CYP4F22: variants seen among roughly 807,000 people sequenced by gnomAD.
CYP4F22 encodes the protein ultra-long-chain fatty acid omega-hydroxylase.
CYP4F22 carries 37 observed loss-of-function variants against 60.4 expected under a neutral mutation model. The observed-to-expected ratio is 0.61, with a 90% confidence interval of 0.47 to 0.81. CYP4F22 has a LOEUF of 0.81. CYP4F22 is among the 30% of genes least tolerant of loss of function. The probability of loss-of-function intolerance (pLI) is 0.00; values close to 1 mark genes in which losing one functional copy is unlikely to be tolerated. For synonymous variants in CYP4F22, 258 were observed against 280.5 expected (o/e 0.92, Z 0.80); for missense variants, 655 against 715.0 (o/e 0.92, Z 0.96).
At chr19:15,508,902 G>T (rs1343411641) in intron 1 of CYP4F22, among the ~76,000 whole-genome samples, 1 of 151,998 alleles carries the variant, frequency 6.6e-6, no homozygotes, top group Admixed American at 6.6e-5. Context: ...TGGGCAGGGG[G>T]CCTCCAAAAG....
At position 15,525,606 on chromosome 19, in the gene CYP4F22, A is replaced by G. The variant is rs1383203961; in HGVS notation, c.222+48A>G. ...GGGCTGGGCTGGGCTGGGCATGTGC[A>G]GGGTAATAGGTAGGGATGGTGGGCC... is the stretch of plus-strand genomic sequence containing the variant. On this transcript the variant is annotated intron_variant, in intron 3 of 13. Coordinates refer to ENST00000269703, the MANE Select transcript of CYP4F22 (RefSeq NM_173483.4). 2.6e-6 allele frequency: 4 copies of G among 1,566,576 alleles called. No individual in the cohort carries two copies. In the African/African-American group the frequency reaches 5.4e-5, roughly 21 times the overall value.
intron 4 of CYP4F22, among the ~76,000 whole-genome samples, chr19:15,533,043 G>A (rs78347346): frequency 0.046 from 6,987 of 152,266 alleles, 395 homozygotes; most frequent in African/African-American, 0.13. Context: ...ACCTGGGAGT[G>A]GCTTGCTGTT....
At chr19:15,530,076 C>T (rs908565454) in intron 4 of CYP4F22, among the ~76,000 whole-genome samples, 9 of 152,234 alleles carry the variant, frequency 5.9e-5, no homozygotes, top group Non-Finnish European at 1.0e-4. Context: ...GAATGTCCAT[C>T]CATCTGGCAG....
intron 1 of CYP4F22, chr19:15,516,624 T>C: frequency 3.0e-6 from 1 of 332,108 alleles, no homozygotes; most frequent in African/African-American, 2.2e-5. Flanking sequence ...GAACAAGCAT[T>C]CTATTTCTGA....
chr19:15,537,324 C>G (rs1402959672), intron 4 of CYP4F22, 37 bp from the exon 5 acceptor site: 1 of 1,613,236 alleles, frequency 6.2e-7, no homozygotes, highest in Non-Finnish European at 8.5e-7. Context: ...CCAAAAAACT[C>G]TGTTTTGAGT....
chr19:15,522,797 G>A (rs902451792), intron 1 of CYP4F22, among the ~76,000 whole-genome samples: 2 of 152,010 alleles, frequency 1.3e-5, no homozygotes, highest in East Asian at 1.9e-4. Context: ...TTCAACCTCC[G>A]CCTCCCAGGT....
chr19:15,540,305 A>G, intron 7 of CYP4F22, 145 bp from the exon 8 acceptor site: 1 of 1,002,406 alleles, frequency 1.0e-6, no homozygotes, highest in Non-Finnish European at 1.5e-6. Flanking sequence ...CTAAAAAAAT[A>G]AATAAATGAA....
chr19:15,518,749 TG>T (rs1971186731), intron 1 of CYP4F22, among the ~76,000 whole-genome samples: 1 of 142,848 alleles, frequency 7.0e-6, no homozygotes, highest in Admixed American at 7.0e-5. Flanking sequence ...TAGAGCAAAG[TG>T]GGGAGCCATG....
chr19:15,546,937 C>T (rs1321790102), intron 10 of CYP4F22, among the ~76,000 whole-genome samples: 1 of 150,202 alleles, frequency 6.7e-6, no homozygotes, highest in Non-Finnish European at 1.5e-5. Flanking sequence ...TCACGAACTC[C>T]TGGGCTCAAG....
chr19:15,542,375 T>TAA (rs71176430), intron 8 of CYP4F22, among the ~76,000 whole-genome samples: 33 of 148,644 alleles, frequency 2.2e-4, no homozygotes, highest in Middle Eastern at 3.4e-3. Flanking sequence ...CTACTAAAAA[T>TAA]AAAAAAAAAA....
chr19:15,545,665 A>G (rs1268311322), intron 10 of CYP4F22, among the ~76,000 whole-genome samples: 1 of 50,724 alleles, frequency 2.0e-5, no homozygotes, highest in Admixed American at 1.7e-4. Context: ...AAAAAAAAAA[A>G]AAAAAAGAAA....
chr19:15,532,859 A>G (rs57795539), intron 4 of CYP4F22, among the ~76,000 whole-genome samples: 17,724 of 152,168 alleles, frequency 0.12, 1,618 homozygotes, highest in African/African-American at 0.25. Flanking sequence ...GGGAGGGGAT[A>G]TTCTGTGTAC....
chr19:15,518,411 C>T (rs1345780388), intron 1 of CYP4F22, among the ~76,000 whole-genome samples: 4 of 150,200 alleles, frequency 2.7e-5, no homozygotes, highest in Admixed American at 6.7e-5. Context: ...GAGGCCGAGG[C>T]GGGCGGAACA....
At chr19:15,521,943 G>A (rs1971230924) in intron 1 of CYP4F22, among the ~76,000 whole-genome samples, 2 of 152,116 alleles carry the variant, frequency 1.3e-5, no homozygotes, top group Admixed American at 6.5e-5. Flanking sequence ...TGAGGAGTTC[G>A]AGACCAGCCT....
intron 6 of CYP4F22, 82 bp downstream of exon 6, chr19:15,537,744 G>C: frequency 6.2e-7 from 1 of 1,607,188 alleles, no homozygotes; most frequent in Non-Finnish European, 8.5e-7. Context: ...GGCAAGCCAT[G>C]TGATGTCAGG....
intron 2 of CYP4F22, among the ~76,000 whole-genome samples, chr19:15,524,917 C>T (rs997464583): frequency 2.6e-5 from 4 of 152,110 alleles, no homozygotes; most frequent in African/African-American, 4.8e-5. Flanking sequence ...AGTTTAATCT[C>T]ATTGGGGAAG....
At chr19:15,517,216 C>A (rs1479891791) in intron 1 of CYP4F22, among the ~76,000 whole-genome samples, 1 of 152,120 alleles carries the variant, frequency 6.6e-6, no homozygotes. Context: ...CAGGAGGACC[C>A]CAGCTGTGGA....
chr19:15,535,419 C>T (rs1424907084), intron 4 of CYP4F22, among the ~76,000 whole-genome samples: 1 of 152,192 alleles, frequency 6.6e-6, no homozygotes, highest in Non-Finnish European at 1.5e-5. Context: ...TTGGCCAATT[C>T]CTAGGGATTG....
chr19:15,518,665 A>G (rs1392485513), intron 1 of CYP4F22, among the ~76,000 whole-genome samples: 2 of 148,758 alleles, frequency 1.3e-5, no homozygotes, highest in Non-Finnish European at 3.0e-5. Context: ...AAAAAAAAAA[A>G]AAAAGAAACA....
Sources: allele counts gnomAD v4.1 joint callset (sites outside exome capture counted in the v4.1 genomes callset), GRCh38; gene constraint gnomAD v4.1.1; transcripts MANE v1.5; gene names NCBI Gene and HGNC (gene_info 2026-07-23, HGNC 2026-07-21).